Variants in PROSER2 observed in about 807,000 individuals in gnomAD.
PROSER2 encodes proline and serine rich 2, also known as proline and serine-rich protein 2.
In PROSER2, 18 loss-of-function variants were observed where a neutral mutation model predicts 14.6. That is an observed-to-expected ratio of 1.23 (90% CI 0.85 to 1.83). PROSER2 has a LOEUF of 1.83. PROSER2 is among the 40% of genes most tolerant of loss of function. The probability of loss-of-function intolerance (pLI) is 0.00; values close to 1 mark genes in which losing one functional copy is unlikely to be tolerated. For missense variants in PROSER2, 823 were observed against 629.8 expected (o/e 1.31, Z -3.28); for synonymous variants, 367 against 286.4 (o/e 1.28, Z -2.84).
chr10:11,869,762 C>A lies in PROSER2; in HGVS notation c.664C>A (p.Pro222Thr). 1.9e-6 allele frequency: 3 copies of A among 1,571,398 alleles called. No homozygotes were observed. The highest frequency in any genetic ancestry group is 1.8e-5 in the Admixed American group (1 of 54,334). Residue 222 changes from proline to threonine, a missense_variant, in exon 4 of 4, where the codon CCC becomes ACC. Physicochemically the swap from Pro to Thr is conservative, Grantham distance 38. Coordinates refer to ENST00000277570, the MANE Select transcript of PROSER2 (RefSeq NM_153256.4). This position sits in a 1 kb window ranked among gnomAD's most constrained non-coding sequence, Gnocchi z 4.4. Reference sequence around the variant, plus strand: ...CACCTCCCCGTTCAGGGAGGGCCGGCCCGGGGAGTGGAGGACACCTGCCGC... The same window carrying A: ...CACCTCCCCGTTCAGGGAGGGCCGGACCGGGGAGTGGAGGACACCTGCCGC... ...SPTSPFREGR[P>T]GEWRTPAARG...
At chr10:11,832,621 C>T (rs1301783232) in intron 1 of PROSER2, among the ~76,000 whole-genome samples, 1 of 152,126 alleles carries the variant, frequency 6.6e-6, no homozygotes, top group Non-Finnish European at 1.5e-5. Flanking sequence ...TGTTTAAACT[C>T]ACTCCCCTCC....
In PROSER2 at chr10:11,837,643, T is replaced by G. The variant is rs564351472; in HGVS notation, c.-82+14173T>G. Reference sequence around the variant, plus strand: ...TTGGTTAAGGGGAATAATTTTTCCATTCACGTTCAGAACTACCAAAGACAG... The same window carrying G: ...TTGGTTAAGGGGAATAATTTTTCCAGTCACGTTCAGAACTACCAAAGACAG... On this transcript the variant is annotated intron_variant, in intron 1 of 3. Coordinates refer to ENST00000277570, the MANE Select transcript of PROSER2 (RefSeq NM_153256.4). The surrounding 1 kb of genome is among the most constrained non-coding windows in gnomAD (Gnocchi z 4.6). 3.9e-4 allele frequency among the ~76,000 whole-genome samples: 59 copies of G among 152,358 alleles called. No homozygotes were observed. Among genetic ancestry groups the G allele is most frequent in the African/African-American group, 1.4e-3 (57 of 41,590 alleles).
chr10:11,836,299 C>T lies in PROSER2; in HGVS notation c.-82+12829C>T, dbSNP rs536195674. ...GCAGCCTCCACCTTCCAGGTTCAAGCGATTCTCCCATCTCAGCTTCCCAAG... is the reference window on the plus strand; with the variant it reads ...GCAGCCTCCACCTTCCAGGTTCAAGTGATTCTCCCATCTCAGCTTCCCAAG... On this transcript the variant is annotated intron_variant, in intron 1 of 3. Transcript: ENST00000277570. The surrounding 1 kb of genome is among the most constrained non-coding windows in gnomAD (Gnocchi z 4.6). Among the ~76,000 whole-genome samples, 88 of 152,184 alleles carry T rather than the reference C, an allele frequency of 5.8e-4. No homozygotes were observed. Among genetic ancestry groups the T allele is most frequent in the Non-Finnish European group, 1.0e-3 (71 of 68,008 alleles).
At chr10:11,831,030 G>A (rs1344300145) in intron 1 of PROSER2, among the ~76,000 whole-genome samples, 1 of 152,204 alleles carries the variant, frequency 6.6e-6, no homozygotes, top group East Asian at 1.9e-4. Flanking sequence ...TTCCCACCAG[G>A]AGGTCTTGTG....
intron 1 of PROSER2, among the ~76,000 whole-genome samples, chr10:11,833,235 C>CTTTTTCTTTTTT (rs1833711667): frequency 1.1e-5 from 1 of 87,668 alleles, no homozygotes. Flanking sequence ...AATGTTGTGG[C>CTTTTTCTTTTTT]TTTTTTTTTT....
Position 11,869,975 on chromosome 10 carries a change from G to C in PROSER2, c.877G>C (p.Ala293Pro). 1 of 1,312,716 alleles carries C rather than the reference G, an allele frequency of 7.6e-7. No homozygotes were observed. The highest frequency in any genetic ancestry group is 4.1e-5 in the Admixed American group (1 of 24,562). The allele number at this position is 1,312,716 out of a possible 1,614,324, so 81.3% of individuals were successfully genotyped here. ...AQVLATIHGH[A>P]GAFPAAGDAG... ...GGTGTTGGCCACCATCCACGGCCACGCCGGCGCCTTCCCCGCCGCGGGGGA... is the reference window on the plus strand; with the variant it reads ...GGTGTTGGCCACCATCCACGGCCACCCCGGCGCCTTCCCCGCCGCGGGGGA... Residue 293 changes from alanine (A) to proline (P), a missense_variant, in exon 4 of 4, where the codon GCC becomes CCC. By Grantham distance (27) the Ala-to-Pro change is conservative (BLOSUM62 -1). Transcript: ENST00000277570. The surrounding 1 kb of genome is among the most constrained non-coding windows in gnomAD (Gnocchi z 4.4).
At chr10:11,833,409 G>T (rs546393397) in intron 1 of PROSER2, among the ~76,000 whole-genome samples, 1 of 151,460 alleles carries the variant, frequency 6.6e-6, no homozygotes, top group Non-Finnish European at 1.5e-5. Context: ...AAGCTTTGCC[G>T]GCTGGGTGTG....
chr10:11,844,718 T>A (rs747992286), intron 1 of PROSER2, among the ~76,000 whole-genome samples: 2 of 152,106 alleles, frequency 1.3e-5, no homozygotes, highest in Non-Finnish European at 2.9e-5. Context: ...GCCTCCTGGG[T>A]TCAAGCGATT....
At chr10:11,832,610 G>C (rs1334299495) in intron 1 of PROSER2, among the ~76,000 whole-genome samples, 1 of 152,044 alleles carries the variant, frequency 6.6e-6, no homozygotes, top group African/African-American at 2.4e-5. Context: ...CTACTGCTGT[G>C]TGTTTAAACT....
chr10:11,832,566 A>G (rs376553168), intron 1 of PROSER2, among the ~76,000 whole-genome samples: 5 of 152,124 alleles, frequency 3.3e-5, no homozygotes, highest in African/African-American at 1.2e-4. Context: ...TTTTTAATAC[A>G]TCGTTATTTA....
At chr10:11,859,621 C>G (rs1262532161) in intron 2 of PROSER2, among the ~76,000 whole-genome samples, 1 of 152,202 alleles carries the variant, frequency 6.6e-6, no homozygotes, top group East Asian at 1.9e-4. Context: ...AACGCCTCTT[C>G]CAACAGCACC....
rs1025799485 is a variant in PROSER2, at chr10:11,862,999, A to T, written c.139-3532A>T. 1 of 152,186 alleles carries T rather than the reference A, an allele frequency of 6.6e-6. No homozygotes were observed. Among genetic ancestry groups the T allele is most frequent in the Admixed American group, 6.6e-5 (1 of 15,262 alleles). The allele number at this position is 152,186 out of a possible 1,614,324, so 9.4% of individuals were successfully genotyped here. On this transcript the variant is annotated intron_variant, in intron 2 of 3. Coordinates refer to ENST00000277570, the MANE Select transcript of PROSER2 (RefSeq NM_153256.4). The surrounding 1 kb of genome is among the most constrained non-coding windows in gnomAD (Gnocchi z 4.2). ...TGTGTCCACCCACCCAAGCAGACAC[A>T]CATCTTCAGACCCGGCGATTGTGCA...
rs999636764 is a variant in PROSER2, at chr10:11,862,395, T to C, written c.139-4136T>C. On this transcript the variant is annotated intron_variant, in intron 2 of 3. Transcript: ENST00000277570. The surrounding 1 kb of genome is among the most constrained non-coding windows in gnomAD (Gnocchi z 4.2). ...CAAAACTGGAGGACTCTGCCAGATA[T>C]CAAGACTTACTATAGAATGGGCACA... is the stretch of plus-strand genomic sequence containing the variant. 2.0e-5 allele frequency among the ~76,000 whole-genome samples: 3 copies of C among 152,158 alleles called. No individual in the cohort carries two copies. The highest frequency in any genetic ancestry group is 1.3e-4 in the Admixed American group (2 of 15,282).
chr10:11,828,023 T>G (rs1833639419), intron 1 of PROSER2, among the ~76,000 whole-genome samples: 1 of 152,098 alleles, frequency 6.6e-6, no homozygotes, highest in African/African-American at 2.4e-5. Context: ...TTTATTTTTT[T>G]TAATTAGGTT....
In PROSER2 at chr10:11,837,751, G is replaced by A. The variant is rs747320823; in HGVS notation, c.-81-14246G>A. 1.3e-5 allele frequency among the ~76,000 whole-genome samples: 2 copies of A among 152,078 alleles called. No homozygotes were observed. The highest frequency in any genetic ancestry group is 1.9e-4 in the East Asian group (1 of 5,196). On this transcript the variant is annotated intron_variant, in intron 1 of 3. Transcript: ENST00000277570. This position sits in a 1 kb window ranked among gnomAD's most constrained non-coding sequence, Gnocchi z 4.6. ...CGATTTCTTTCCCTCACATTTCCTC[G>A]GTGCAAAACCTAATAGTAGAATGTG...
chr10:11,857,034 G>C (rs533551526), intron 2 of PROSER2, among the ~76,000 whole-genome samples: 1 of 152,160 alleles, frequency 6.6e-6, no homozygotes, highest in East Asian at 1.9e-4. Context: ...TTTTCTAAAA[G>C]GCCAATTCAC....
At position 11,869,849 on chromosome 10, in the gene PROSER2, C is replaced by A; in HGVS notation, c.751C>A (p.Pro251Thr). 1.9e-6 allele frequency: 3 copies of A among 1,588,552 alleles called. No individual in the cohort carries two copies. Among genetic ancestry groups the A allele is most frequent in the Middle Eastern group, 1.9e-4 (1 of 5,322 alleles). ...GPSHPAQPKA[P>T]RFPSNIIVTN... ...CAGCCACCCGGCGCAGCCCAAGGCA[C>A]CCCGCTTCCCCAGCAACATCATCGT... The change falls in exon 4 of 4, where the codon CCC (proline) becomes ACC (threonine). Residue 251 changes from proline to threonine, a missense_variant. Pro to Thr is a conservative substitution (Grantham distance 38, BLOSUM62 -1). Transcript: ENST00000277570. This position sits in a 1 kb window ranked among gnomAD's most constrained non-coding sequence, Gnocchi z 4.4.
chr10:11,842,335 C>G (rs1417469893), intron 1 of PROSER2, among the ~76,000 whole-genome samples: 1 of 150,322 alleles, frequency 6.7e-6, no homozygotes, highest in Non-Finnish European at 1.5e-5. Flanking sequence ...TTTATTTGTC[C>G]TCTTCTGTTT....
intron 1 of PROSER2, among the ~76,000 whole-genome samples, chr10:11,845,410 A>G (rs527751711): frequency 6.6e-6 from 1 of 152,248 alleles, no homozygotes; most frequent in South Asian, 2.1e-4. Flanking sequence ...GTGATTGTCT[A>G]ATAGTACATT....
Sources: allele counts gnomAD v4.1 joint callset (sites outside exome capture counted in the v4.1 genomes callset), GRCh38; gene constraint gnomAD v4.1.1; non-coding constraint Gnocchi (gnomAD v3.1); transcripts MANE v1.5; gene names NCBI Gene and HGNC (gene_info 2026-07-23, HGNC 2026-07-21).